Variants in SMYD3 observed in about 807,000 individuals in gnomAD.
SMYD3 encodes histone-lysine N-methyltransferase SMYD3.
Under a neutral mutation model 57.7 loss-of-function variants are expected in SMYD3, and 36 were observed. That is an observed-to-expected ratio of 0.62 (90% CI 0.48 to 0.82). The LOEUF is 0.82. Among genes scored for constraint, SMYD3 ranks in the 40% least tolerant of loss-of-function variants. The probability of loss-of-function intolerance (pLI) is 0.00; values close to 1 mark genes in which losing one functional copy is unlikely to be tolerated. For missense variants in SMYD3, 515 were observed against 538.8 expected (o/e 0.96, Z 0.44); for synonymous variants, 211 against 195.0 (o/e 1.08, Z -0.68).
chr1:245,777,564 T>C (rs1306335864), intron 10 of SMYD3, among the ~76,000 whole-genome samples: 2 of 152,156 alleles, frequency 1.3e-5, no homozygotes, highest in African/African-American at 4.8e-5. Context: ...AAATTGCATG[T>C]ACACAAGGGA....
intron 5 of SMYD3, chr1:246,305,966 C>T (rs1412528948): frequency 6.6e-6 from 1 of 152,158 alleles, no homozygotes; most frequent in Non-Finnish European, 1.5e-5. Flanking sequence ...CATGTACTCA[C>T]ACAACTTACA....
intron 5 of SMYD3, among the ~76,000 whole-genome samples, chr1:246,004,667 G>A (rs558525422): frequency 1.3e-5 from 2 of 152,250 alleles, no homozygotes; most frequent in Admixed American, 1.3e-4. Context: ...TCATGCAAGA[G>A]GCTCTATCCT....
chr1:245,858,735 C>G, intron 9 of SMYD3, 65 bp from the exon 10 acceptor site: 15 of 1,528,818 alleles, frequency 9.8e-6, no homozygotes, highest in Non-Finnish European at 1.2e-5. Flanking sequence ...AAATTAGATT[C>G]TCTAAAAGGC....
At chr1:246,249,082 G>C (rs1017983973) in intron 5 of SMYD3, among the ~76,000 whole-genome samples, 1 of 151,670 alleles carries the variant, frequency 6.6e-6, no homozygotes, top group African/African-American at 2.4e-5. Flanking sequence ...TTTAGTATTT[G>C]ATTTTTTTAT....
At chr1:246,218,200 C>T (rs12145766) in intron 5 of SMYD3, among the ~76,000 whole-genome samples, 40,003 of 151,228 alleles carry the variant, frequency 0.26, 6,019 homozygotes, top group East Asian at 0.58. Context: ...ACATAAAAAA[C>T]TGATTTCAAT....
At chr1:245,751,100 G>T (rs1396408721) in intron 11 of SMYD3, among the ~76,000 whole-genome samples, 2 of 152,184 alleles carry the variant, frequency 1.3e-5, no homozygotes, top group Non-Finnish European at 2.9e-5. Context: ...CATTTTAATT[G>T]TTGTATATAA....
intron 5 of SMYD3, among the ~76,000 whole-genome samples, chr1:246,043,973 C>G (rs79487105): frequency 6.6e-6 from 1 of 152,172 alleles, no homozygotes; most frequent in African/African-American, 2.4e-5. Flanking sequence ...ATTCAGGACT[C>G]GCTCTACCTG....
At chr1:245,811,947 C>T (rs1347571646) in intron 10 of SMYD3, among the ~76,000 whole-genome samples, 2 of 152,134 alleles carry the variant, frequency 1.3e-5, no homozygotes, top group African/African-American at 4.8e-5. Flanking sequence ...ACTCCGAAGC[C>T]CGTTCTTCCT....
intron 5 of SMYD3, among the ~76,000 whole-genome samples, chr1:246,109,145 G>A (rs565358355): frequency 3.3e-4 from 50 of 152,096 alleles, no homozygotes; most frequent in Middle Eastern, 6.8e-3. Flanking sequence ...TGAATGACAC[G>A]AAGAATATAT....
At chr1:246,499,954 A>G (rs188310052) in intron 1 of SMYD3, among the ~76,000 whole-genome samples, 3 of 152,324 alleles carry the variant, frequency 2.0e-5, no homozygotes, top group Admixed American at 1.3e-4. Flanking sequence ...CCACTGGTCT[A>G]TAACACCAGC....
chr1:245,817,288 CTGACACCTCACAT>C (rs1369164834), intron 10 of SMYD3, among the ~76,000 whole-genome samples: 17 of 136,948 alleles, frequency 1.2e-4, no homozygotes, highest in Non-Finnish European at 1.8e-4. Flanking sequence ...CAGGGGCACA[CTGACACCTCACAT>C]GGCAGGGTAT....
At chr1:246,081,925 C>T (rs1572992820) in intron 5 of SMYD3, among the ~76,000 whole-genome samples, 1 of 152,320 alleles carries the variant, frequency 6.6e-6, no homozygotes, top group South Asian at 2.1e-4. Flanking sequence ...GTATTTATTT[C>T]TTTCAAGTTA....
chr1:246,179,584 T>C (rs111840654), intron 5 of SMYD3, among the ~76,000 whole-genome samples: 40 of 152,334 alleles, frequency 2.6e-4, no homozygotes, highest in African/African-American at 9.6e-4. Flanking sequence ...TCCCTTTTAG[T>C]AGATTTAATC....
At chr1:245,852,936 G>A (rs12048708) in intron 10 of SMYD3, among the ~76,000 whole-genome samples, 3 of 152,150 alleles carry the variant, frequency 2.0e-5, no homozygotes, top group African/African-American at 4.8e-5. Flanking sequence ...TCACACATAC[G>A]AACACACGCA....
At chr1:246,268,519 G>GAA (rs10651169) in intron 5 of SMYD3, among the ~76,000 whole-genome samples, 52,648 of 151,598 alleles carry the variant, frequency 0.35, 10,195 homozygotes, top group East Asian at 0.79. Context: ...CCAATATGGT[G>GAA]ACCCCGTCTC....
intron 5 of SMYD3, among the ~76,000 whole-genome samples, chr1:246,089,939 A>C (rs1382948006): frequency 6.6e-6 from 1 of 151,234 alleles, no homozygotes; most frequent in Non-Finnish European, 1.5e-5. Flanking sequence ...TTTGGGGGAA[A>C]TGTGGGTATG....
chr1:245,932,705 G>A (rs1489995349), intron 5 of SMYD3, among the ~76,000 whole-genome samples: 3 of 152,144 alleles, frequency 2.0e-5, no homozygotes, highest in Non-Finnish European at 2.9e-5. Context: ...ACTACAGGCT[G>A]GCACCACCAC....
chr1:245,927,739 A>C (rs2056470481), intron 7 of SMYD3, among the ~76,000 whole-genome samples, 192 bp downstream of exon 7: 1 of 152,214 alleles, frequency 6.6e-6, no homozygotes, highest in South Asian at 2.1e-4. Context: ...CCCCTAAAAA[A>C]TTAGCCCATT....
At position 246,304,887 on chromosome 1, in the gene SMYD3, A is replaced by G. The variant is rs1327332588; in HGVS notation, c.531+22314T>C. On this transcript the variant is annotated intron_variant, in intron 5 of 11. Transcript: ENST00000490107. ...TGTTTTTAAAAACTACCAATGAGAC[A>G]TGAAACTTTCATCTTTGTTGAGATT... is the stretch of plus-strand genomic sequence containing the variant. Among the ~76,000 whole-genome samples the G allele has an allele frequency of 2.0e-5, 3 of 152,236 alleles. No individual in the cohort carries two copies. In the East Asian group the frequency reaches 5.8e-4, roughly 29 times the overall value.
Sources: gnomAD v4.1 joint callset for allele counts (sites outside exome capture counted in the v4.1 genomes callset) on GRCh38, gnomAD v4.1.1 for gene constraint, MANE v1.5 for transcripts, NCBI Gene and HGNC (gene_info 2026-07-23, HGNC 2026-07-21) for gene names.